The following SCRG1 variants were observed in gnomAD, a reference collection of about 807,000 sequenced individuals.
The protein encoded by SCRG1 is scrapie-responsive protein 1.
In SCRG1, 3 loss-of-function variants were observed where a neutral mutation model predicts 7.7. The ratio of observed to expected loss-of-function variants is 0.39; its 90% CI spans 0.18 to 1.01. SCRG1 has a LOEUF of 1.01. Among genes scored for constraint, SCRG1 ranks in the 50% least tolerant of loss-of-function variants. The pLI is 0.36. For missense variants in SCRG1, 110 were observed against 117.2 expected, an observed-to-expected ratio of 0.94 and a Z score of 0.28; for synonymous variants, 46 against 41.2, an observed-to-expected ratio of 1.12 and a Z score of -0.44.
chr4:173,455,643 A>T, the SCRG1 span, among the ~76,000 whole-genome samples: 7 of 152,190 alleles, frequency 4.6e-5, no homozygotes. Context: ...TGGAGTGAAT[A>T]TCGCAGGCTC....
chr4:173,463,419 C>T, the SCRG1 span, among the ~76,000 whole-genome samples: 1 of 152,086 alleles, frequency 6.6e-6, no homozygotes, highest in Non-Finnish European at 1.5e-5. Flanking sequence ...GGACCACAGG[C>T]ACACGCCACC....
At chr4:173,401,653 T>C (rs1208837814), upstream of SCRG1, among the ~76,000 whole-genome samples, 10 of 152,226 alleles carry the variant, frequency 6.6e-5, no homozygotes, top group Non-Finnish European at 8.8e-5. Context: ...ATTGTGCTTA[T>C]GAATGCTGCC....
the SCRG1 span, among the ~76,000 whole-genome samples, chr4:173,495,220 A>G: frequency 6.6e-6 from 1 of 152,258 alleles, no homozygotes; most frequent in Admixed American, 6.5e-5. Context: ...AATGGTAATC[A>G]AGTTATCATT....
At chr4:173,434,073 G>A in the SCRG1 span, among the ~76,000 whole-genome samples, 4 of 152,124 alleles carry the variant, frequency 2.6e-5, no homozygotes, top group East Asian at 1.9e-4. Context: ...TTTCTCGACC[G>A]GACCTCGATG....
the SCRG1 span, among the ~76,000 whole-genome samples, chr4:173,465,885 T>G: frequency 2.5e-3 from 387 of 152,250 alleles, 2 homozygotes; most frequent in Non-Finnish European, 4.3e-3. Context: ...ATATTTGTCT[T>G]TCTGTGCTTC....
At chr4:173,486,360 C>T in the SCRG1 span, among the ~76,000 whole-genome samples, 1 of 152,128 alleles carries the variant, frequency 6.6e-6, no homozygotes. Context: ...TGAGAGTGTT[C>T]CATTTTGCAT....
chr4:173,461,828 G>A, the SCRG1 span, among the ~76,000 whole-genome samples: 2 of 151,550 alleles, frequency 1.3e-5, no homozygotes, highest in Admixed American at 1.3e-4. Context: ...AACACCAAAG[G>A]AATTCAGAAT....
the SCRG1 span, among the ~76,000 whole-genome samples, chr4:173,514,433 C>T: frequency 6.6e-5 from 10 of 152,236 alleles, no homozygotes; most frequent in Non-Finnish European, 1.3e-4. Flanking sequence ...TCTCAGAGCA[C>T]TCCCCTTCAC....
intron 1 of SCRG1, among the ~76,000 whole-genome samples, chr4:173,394,651 A>C (rs1254266338): frequency 2.4e-5 from 3 of 124,510 alleles, no homozygotes; most frequent in South Asian, 4.9e-4. Context: ...TCTCAAAAAA[A>C]AAATTATAAT....
chr4:173,506,565 G>A, the SCRG1 span, among the ~76,000 whole-genome samples: 1 of 152,200 alleles, frequency 6.6e-6, no homozygotes, highest in Admixed American at 6.5e-5. This position sits in a 1 kb window ranked among gnomAD's most constrained non-coding sequence, Gnocchi z 5.3. Context: ...AAATGCCTTC[G>A]CACTTAATAT....
intron 1 of SCRG1, among the ~76,000 whole-genome samples, chr4:173,394,260 CT>C (rs1287224590): frequency 1.3e-5 from 2 of 150,274 alleles, no homozygotes; most frequent in South Asian, 2.1e-4. Context: ...TCTTCTTCTT[CT>C]TTTTTTTTCC....
At chr4:173,407,946 C>A (rs2126926085), upstream of SCRG1, among the ~76,000 whole-genome samples, 1 of 152,202 alleles carries the variant, frequency 6.6e-6, no homozygotes, top group South Asian at 2.1e-4. Context: ...TGCTCCTTTA[C>A]TAATAAAACA....
the SCRG1 span, among the ~76,000 whole-genome samples, chr4:173,482,702 T>A: frequency 6.6e-6 from 1 of 151,294 alleles, no homozygotes; most frequent in Non-Finnish European, 1.5e-5. Flanking sequence ...CCTGTAATCC[T>A]AGCTACTTGG....
the SCRG1 span, among the ~76,000 whole-genome samples, chr4:173,494,881 TTGA>T: frequency 1.1e-4 from 16 of 152,342 alleles, no homozygotes; most frequent in African/African-American, 3.6e-4. Flanking sequence ...AATTTACGCA[TTGA>T]TTGGTTCTGG....
At chr4:173,509,904 C>G in the SCRG1 span, among the ~76,000 whole-genome samples, 1 of 152,206 alleles carries the variant, frequency 6.6e-6, no homozygotes, top group Non-Finnish European at 1.5e-5. This position sits in a 1 kb window ranked among gnomAD's most constrained non-coding sequence, Gnocchi z 5.7. Context: ...GGCCCAGTAC[C>G]TGCGTCTCCT....
upstream of SCRG1, among the ~76,000 whole-genome samples, chr4:173,402,417 AT>A (rs563636057): frequency 3.4e-4 from 52 of 151,642 alleles, no homozygotes; most frequent in East Asian, 8.9e-3. Context: ...AAGTACTGAA[AT>A]TAAATTTGTA....
upstream of SCRG1, among the ~76,000 whole-genome samples, chr4:173,407,991 C>A (rs1018008944): frequency 1.3e-5 from 2 of 152,112 alleles, no homozygotes; most frequent in African/African-American, 2.4e-5. Context: ...TAAATAAAAG[C>A]ATTTTCAAAC....
At chr4:173,474,097 G>C in the SCRG1 span, among the ~76,000 whole-genome samples, 50 of 152,212 alleles carry the variant, frequency 3.3e-4, 1 homozygote, top group South Asian at 0.01. Flanking sequence ...AGGGAATCCA[G>C]GAGGCAGAGG....
At chr4:173,466,588 A>G in the SCRG1 span, among the ~76,000 whole-genome samples, 2 of 152,170 alleles carry the variant, frequency 1.3e-5, no homozygotes, top group African/African-American at 4.8e-5. Flanking sequence ...CTTAGGGAAA[A>G]TGGAAAAATA....
Sources: allele counts gnomAD v4.1 joint callset (sites outside exome capture counted in the v4.1 genomes callset), GRCh38; gene constraint gnomAD v4.1.1; non-coding constraint Gnocchi (gnomAD v3.1); transcripts MANE v1.5; gene names NCBI Gene and HGNC (gene_info 2026-07-23, HGNC 2026-07-21).